Variants in TMLHE observed in about 807,000 individuals in gnomAD.
TMLHE encodes the protein trimethyllysine dioxygenase, mitochondrial.
Under a neutral mutation model 25.7 loss-of-function variants are expected in TMLHE, and 18 were observed. The ratio of observed to expected loss-of-function variants is 0.70; its 90% CI spans 0.48 to 1.04. The LOEUF (loss-of-function observed/expected upper bound fraction) is 1.04. Among genes scored for constraint, TMLHE ranks in the 50% least tolerant of loss-of-function variants. TMLHE has a pLI of 0.00. For synonymous variants in TMLHE, 105 were observed against 97.0 expected (o/e 1.08, Z -0.49); for missense variants, 236 against 259.0 (o/e 0.91, Z 0.61).
chrX:155,513,618 GTGTGTGTGTGTAATGGACATGCCTA>G (rs1424092093), intron 4 of TMLHE, among the ~76,000 whole-genome samples: 4 of 110,399 alleles, frequency 3.6e-5, no homozygotes, highest in Non-Finnish European at 7.6e-5. Flanking sequence ...GTGTGTGTGT[GTGTGTGTGTGTAATGGACATGCCTA>G]TGGTCACACA....
At chrX:155,533,219 G>T (rs922724288) in intron 2 of TMLHE, among the ~76,000 whole-genome samples, 4 of 111,622 alleles carry the variant, frequency 3.6e-5, no homozygotes, top group Non-Finnish European at 1.9e-5. Flanking sequence ...ACTTAGAAAG[G>T]TTCTCCTGGT....
At chrX:155,590,696 C>G (rs2067689191) in intron 1 of TMLHE, among the ~76,000 whole-genome samples, 1 of 110,626 alleles carries the variant, frequency 9.0e-6, no homozygotes, top group Non-Finnish European at 1.9e-5. Context: ...TAAAAATATA[C>G]ATGTATATGA....
chrX:155,526,305 A>C (rs2124374024), intron 2 of TMLHE, among the ~76,000 whole-genome samples: 1 of 113,054 alleles, frequency 8.8e-6, no homozygotes, highest in South Asian at 3.6e-4. Context: ...AAGGGACCAA[A>C]GAACAGCTTG....
intron 2 of TMLHE, among the ~76,000 whole-genome samples, chrX:155,525,019 A>G (rs1251443386): frequency 8.9e-6 from 1 of 112,143 alleles, no homozygotes; most frequent in East Asian, 2.8e-4. Flanking sequence ...AAGGTTATCA[A>G]GATAAACTCA....
At chrX:155,596,526 C>A (rs782313056) in intron 1 of TMLHE, among the ~76,000 whole-genome samples, 12 of 111,169 alleles carry the variant, frequency 1.1e-4, no homozygotes, top group African/African-American at 3.9e-4. Flanking sequence ...GAAAGAGAAC[C>A]CCAATAAAGA....
At chrX:155,581,281 T>C (rs1393836157) in intron 1 of TMLHE, among the ~76,000 whole-genome samples, 1 of 111,519 alleles carries the variant, frequency 9.0e-6, no homozygotes, top group African/African-American at 3.3e-5. Flanking sequence ...GGATGCCCTC[T>C]CTCACCACTC....
chrX:155,559,870 T>A (rs192942669), intron 1 of TMLHE, among the ~76,000 whole-genome samples: 1 of 112,216 alleles, frequency 8.9e-6, no homozygotes, highest in East Asian at 2.8e-4. Context: ...TATTGCCAGA[T>A]TAATCTTCTT....
At chrX:155,568,273 G>A (rs1394827661) in intron 1 of TMLHE, among the ~76,000 whole-genome samples, 6 of 61,635 alleles carry the variant, frequency 9.7e-5, no homozygotes, top group African/African-American at 2.2e-4. Flanking sequence ...AGGCAGCAGC[G>A]AGGCTGGGGG....
chrX:155,600,816 G>A (rs1395564717), intron 1 of TMLHE, among the ~76,000 whole-genome samples: 2 of 111,969 alleles, frequency 1.8e-5, no homozygotes, highest in African/African-American at 6.5e-5. Context: ...TCTAAACTGC[G>A]TGAATCTGGA....
rs782413984 is a variant in TMLHE at position 155,507,547 on chromosome X, C to T, written c.759-413G>A. Among the ~76,000 whole-genome samples, 4 of 107,842 alleles carry T rather than the reference C, an allele frequency of 3.7e-5. No homozygotes were observed. The South Asian group carries it at 1.6e-3, about 44-fold the overall frequency. The allele number at this position is 107,842 out of a possible 115,157, so 93.6% of individuals were successfully genotyped here. Reference sequence around the variant, plus strand: ...TAAACAAAGGAATGATCTGTTCTAGCGGGGTGTTGTATAAAGAAATGTTTT... The same window carrying T: ...TAAACAAAGGAATGATCTGTTCTAGTGGGGTGTTGTATAAAGAAATGTTTT... On this transcript the variant is annotated intron_variant, in intron 5 of 7. Transcript: ENST00000334398.
At chrX:155,551,799 C>T (rs1431912097) in intron 1 of TMLHE, among the ~76,000 whole-genome samples, 1 of 110,051 alleles carries the variant, frequency 9.1e-6, no homozygotes, top group Admixed American at 9.6e-5. Flanking sequence ...ATTGTCCTCC[C>T]TCCTTATTAT....
intron 1 of TMLHE, among the ~76,000 whole-genome samples, chrX:155,547,206 G>A (rs1177665240): frequency 4.3e-5 from 4 of 94,049 alleles, no homozygotes; most frequent in African/African-American, 7.2e-5. Flanking sequence ...GTGCAGTGGC[G>A]CTATCTCGGC....
chrX:155,530,881 C>T (rs2067245847), intron 2 of TMLHE, among the ~76,000 whole-genome samples: 1 of 112,268 alleles, frequency 8.9e-6, no homozygotes, highest in South Asian at 3.7e-4. Context: ...TCAAATATGA[C>T]TAACTTGATT....
At chrX:155,592,780 G>C (rs1392803454) in intron 1 of TMLHE, among the ~76,000 whole-genome samples, 1 of 112,185 alleles carries the variant, frequency 8.9e-6, no homozygotes, top group Non-Finnish European at 1.9e-5. Flanking sequence ...TGCTAGCAGT[G>C]GTGCCCTGTC....
At chrX:155,574,112 C>T (rs1161174042) in intron 1 of TMLHE, among the ~76,000 whole-genome samples, 1 of 108,283 alleles carries the variant, frequency 9.2e-6, no homozygotes, top group Non-Finnish European at 1.9e-5. Flanking sequence ...AATATGACAG[C>T]TAGCCTAAAG....
At chrX:155,552,894 A>G (rs1383586084) in intron 1 of TMLHE, among the ~76,000 whole-genome samples, 2 of 108,546 alleles carry the variant, frequency 1.8e-5, no homozygotes, top group Non-Finnish European at 3.8e-5. Context: ...GTATCCCTTT[A>G]AATTTTAAGA....
intron 3 of TMLHE, among the ~76,000 whole-genome samples, chrX:155,522,271 C>A (rs2067192661): frequency 9.0e-6 from 1 of 111,272 alleles, no homozygotes; most frequent in African/African-American, 3.3e-5. Context: ...ATAATAGATT[C>A]ACAGGATGTT....
intron 1 of TMLHE, among the ~76,000 whole-genome samples, chrX:155,550,497 T>G (rs1198102310): frequency 8.1e-5 from 9 of 111,284 alleles, no homozygotes; most frequent in African/African-American, 3.0e-4. Flanking sequence ...AAACAGAATA[T>G]CAATTCCTGG....
At chrX:155,511,591 G>T (rs190103864) in intron 5 of TMLHE, 82 bp downstream of exon 5, 2 of 1,001,485 alleles carry the variant, frequency 2.0e-6, no homozygotes, top group South Asian at 3.1e-5. Context: ...ATCTTGGTTC[G>T]AACAGAATGG....
Sources: gnomAD v4.1 joint callset for allele counts (sites outside exome capture counted in the v4.1 genomes callset) on GRCh38, gnomAD v4.1.1 for gene constraint, MANE v1.5 for transcripts, NCBI Gene and HGNC (gene_info 2026-07-23, HGNC 2026-07-21) for gene names.